The following KCNH5 variants were observed in gnomAD, a reference collection of about 807,000 sequenced individuals.
KCNH5 encodes voltage-gated delayed rectifier potassium channel KCNH5.
In KCNH5, 46 loss-of-function variants were observed where a neutral mutation model predicts 96.1. That is an observed-to-expected ratio of 0.48 (90% CI 0.38 to 0.61). The LOEUF is 0.61. Among genes scored for constraint, KCNH5 ranks in the 20% least tolerant of loss-of-function variants. The pLI, the probability that KCNH5 is intolerant of heterozygous loss-of-function variation, is 0.00. For synonymous variants in KCNH5, 439 were observed against 449.8 expected (o/e 0.98, Z 0.30); for missense variants, 907 against 1,225.8 (o/e 0.74, Z 3.88).
intron 7 of KCNH5, among the ~76,000 whole-genome samples, chr14:62,928,567 T>C (rs1889519801): frequency 6.6e-6 from 1 of 152,090 alleles, no homozygotes; most frequent in African/African-American, 2.4e-5. Flanking sequence ...ACCGATGCGG[T>C]AACTGAGGTT....
chr14:62,819,122 A>G (rs938692647), intron 8 of KCNH5, among the ~76,000 whole-genome samples: 54 of 152,102 alleles, frequency 3.6e-4, no homozygotes, highest in African/African-American at 1.3e-3. Flanking sequence ...GCCCGCCACC[A>G]CGCCCAGCTA....
chr14:62,896,854 C>T (rs1168621552), intron 7 of KCNH5, among the ~76,000 whole-genome samples: 1 of 152,138 alleles, frequency 6.6e-6, no homozygotes, highest in Non-Finnish European at 1.5e-5. Context: ...TACTGCATTG[C>T]TAGCATTAAA....
At chr14:62,870,066 T>TACAG (rs1888221567) in intron 7 of KCNH5, among the ~76,000 whole-genome samples, 1 of 152,004 alleles carries the variant, frequency 6.6e-6, no homozygotes. Flanking sequence ...GAGTGTATGC[T>TACAG]ACAGCCACTG....
intron 6 of KCNH5, among the ~76,000 whole-genome samples, chr14:62,952,456 G>A (rs966951433): frequency 2.0e-5 from 3 of 152,032 alleles, no homozygotes; most frequent in Non-Finnish European, 4.4e-5. Context: ...TTTAAGCCCT[G>A]GGGATATTAA....
intron 7 of KCNH5, among the ~76,000 whole-genome samples, chr14:62,945,235 T>C (rs1387330520): frequency 6.6e-6 from 1 of 152,124 alleles, no homozygotes; most frequent in Admixed American, 6.6e-5. Context: ...ACTTGCTTCT[T>C]AGAACTTATA....
At chr14:62,962,276 C>G (rs775758404) in intron 6 of KCNH5, among the ~76,000 whole-genome samples, 3 of 152,138 alleles carry the variant, frequency 2.0e-5, no homozygotes, top group Non-Finnish European at 4.4e-5. Flanking sequence ...CAGTGCCACA[C>G]GCGCCTGCCT....
chr14:62,920,488 C>G (rs1430427578), intron 7 of KCNH5, among the ~76,000 whole-genome samples: 2 of 152,022 alleles, frequency 1.3e-5, no homozygotes, highest in African/African-American at 4.8e-5. Flanking sequence ...GGGTACAAAA[C>G]CCTCACATAA....
chr14:62,772,636 G>GAA (rs3045398), intron 10 of KCNH5, among the ~76,000 whole-genome samples: 6 of 84,676 alleles, frequency 7.1e-5, no homozygotes, highest in African/African-American at 2.4e-4. Context: ...GACTTTGTCT[G>GAA]AAAAAAAAAA....
chr14:62,894,092 T>C (rs1381740817), intron 7 of KCNH5, among the ~76,000 whole-genome samples: 3 of 152,208 alleles, frequency 2.0e-5, no homozygotes, highest in South Asian at 2.1e-4. Context: ...AACATTGTTT[T>C]TTAGACATAA....
At chr14:62,856,797 A>G (rs1351005170) in intron 7 of KCNH5, among the ~76,000 whole-genome samples, 3 of 151,528 alleles carry the variant, frequency 2.0e-5, no homozygotes, top group Non-Finnish European at 4.4e-5. Flanking sequence ...TCTTCACTTA[A>G]TCTACACCCC....
intron 8 of KCNH5, among the ~76,000 whole-genome samples, chr14:62,811,189 G>T (rs1886865785): frequency 6.6e-6 from 1 of 152,212 alleles, no homozygotes. Context: ...AAGCTCCAAA[G>T]ATGTAACCTC....
Position 62,707,793 on chromosome 14 carries a change from G to T in KCNH5, c.2682C>A (p.Ala894=). ...PLEHSPIQAD[A]KHPFYPIPEQ... ...CGGGGATGGGATAAAAGGGGTGCTT[G>T]GCATCAGCCTGGATGGGACTGTGCT... is the stretch of plus-strand genomic sequence containing the variant. Residue 894 remains alanine (A), a synonymous_variant, in exon 11 of 11, where the codon GCC becomes GCA. Coordinates refer to ENST00000322893, the MANE Select transcript of KCNH5 (RefSeq NM_139318.5). The T allele has an allele frequency of 6.2e-7, 1 of 1,614,128 alleles. No homozygotes were observed. The highest frequency in any genetic ancestry group is 8.5e-7 in the Non-Finnish European group (1 of 1,180,032).
At position 62,704,656 on chromosome 14, in the gene KCNH5, T is replaced by C. The variant is rs1884397747; in HGVS notation, c.*2852A>G. ...CTTTGGAAAATGTTTGGATTTCTAA[T>C]ACATATCCATTTACTCCTATTAATA... On this transcript the variant is annotated 3_prime_UTR_variant, in exon 11 of 11. Coordinates refer to ENST00000322893, the MANE Select transcript of KCNH5 (RefSeq NM_139318.5). 6.6e-6 allele frequency: 1 copy of C among 151,860 alleles called. No homozygotes were observed. The highest frequency in any genetic ancestry group is 1.9e-4 in the East Asian group (1 of 5,198). 9.4% of individuals were successfully genotyped at this position (151,860 alleles called of 1,614,324 possible).
intron 7 of KCNH5, among the ~76,000 whole-genome samples, chr14:62,935,982 A>T (rs1889672308): frequency 6.6e-6 from 1 of 152,216 alleles, no homozygotes; most frequent in Non-Finnish European, 1.5e-5. Flanking sequence ...TTACGACAGC[A>T]ATGCAGTAAC....
chr14:62,808,600 T>C (rs1052695991), intron 8 of KCNH5, among the ~76,000 whole-genome samples: 1 of 152,158 alleles, frequency 6.6e-6, no homozygotes, highest in African/African-American at 2.4e-5. Context: ...ATAAAAATCA[T>C]ACAGGAAGCA....
intron 7 of KCNH5, among the ~76,000 whole-genome samples, chr14:62,946,943 C>T (rs1889898968): frequency 1.3e-5 from 2 of 152,000 alleles, no homozygotes; most frequent in South Asian, 2.1e-4. Flanking sequence ...GGGTAGGTTA[C>T]ATATAAAAGA....
chr14:63,018,776 C>T (rs1350053268), intron 1 of KCNH5, among the ~76,000 whole-genome samples: 9 of 152,104 alleles, frequency 5.9e-5, no homozygotes, highest in Admixed American at 5.9e-4. Context: ...ACAATGAAAT[C>T]CCAAATCTCT....
intron 7 of KCNH5, among the ~76,000 whole-genome samples, chr14:62,878,073 T>C (rs1888413393): frequency 6.6e-6 from 1 of 151,862 alleles, no homozygotes; most frequent in Admixed American, 6.6e-5. Context: ...GAAATCATCA[T>C]TCTCAGTAAA....
chr14:63,040,278 A>C (rs757868370), intron 1 of KCNH5, among the ~76,000 whole-genome samples: 4 of 152,162 alleles, frequency 2.6e-5, no homozygotes, highest in Non-Finnish European at 5.9e-5. Context: ...CTACTTCTGG[A>C]ATCAAGCAAA....
Sources: gnomAD v4.1 joint callset for allele counts (sites outside exome capture counted in the v4.1 genomes callset) on GRCh38, gnomAD v4.1.1 for gene constraint, MANE v1.5 for transcripts, NCBI Gene and HGNC (gene_info 2026-07-23, HGNC 2026-07-21) for gene names.